Variants in KCNQ1 observed in about 807,000 individuals in gnomAD.
KCNQ1 encodes potassium voltage-gated channel subfamily Q member 1.
A neutral mutation model predicts 72.4 loss-of-function variants in KCNQ1; 49 were observed. The ratio of observed to expected loss-of-function variants is 0.68; its 90% CI spans 0.54 to 0.86. The LOEUF is 0.86. KCNQ1 is among the 40% of genes least tolerant of loss of function. The pLI, the probability that KCNQ1 is intolerant of heterozygous loss-of-function variation, is 0.00. For missense variants in KCNQ1, 790 were observed against 945.1 expected (o/e 0.84, Z 2.15); for synonymous variants, 450 against 412.6 (o/e 1.09, Z -1.10).
At chr11:2,718,114 C>T (rs1319347037) in intron 11 of KCNQ1, among the ~76,000 whole-genome samples, 1 of 152,218 alleles carries the variant, frequency 6.6e-6, no homozygotes, top group Admixed American at 6.5e-5. Context: ...GTGCCCCGTC[C>T]TGGCTTAAAC....
chr11:2,822,332 A>G (rs1847754277), intron 15 of KCNQ1, among the ~76,000 whole-genome samples: 1 of 152,196 alleles, frequency 6.6e-6, no homozygotes, highest in Non-Finnish European at 1.5e-5. Context: ...CACAAGCACC[A>G]GCACAGCGCC....
At chr11:2,733,774 C>CCACACA (rs144399150) in intron 11 of KCNQ1, among the ~76,000 whole-genome samples, 6,458 of 57,074 alleles carry the variant, frequency 0.11, 460 homozygotes, top group East Asian at 0.27. Context: ...TTCAGGCCTT[C>CCACACA]CACACACACA....
intron 11 of KCNQ1, among the ~76,000 whole-genome samples, chr11:2,742,880 G>A (rs1375541237): frequency 2.6e-5 from 4 of 152,098 alleles, no homozygotes; most frequent in East Asian, 1.9e-4. Context: ...CCAGTGCTCC[G>A]AGCCCCCACA....
chr11:2,792,018 C>G (rs987374668), intron 15 of KCNQ1, among the ~76,000 whole-genome samples: 1 of 152,304 alleles, frequency 6.6e-6, no homozygotes, highest in Non-Finnish European at 1.5e-5. Context: ...GGGGCCGAGG[C>G]GCGCTGGGCT....
chr11:2,517,944 C>A (rs1033839122), intron 1 of KCNQ1, among the ~76,000 whole-genome samples: 4 of 152,194 alleles, frequency 2.6e-5, no homozygotes, highest in African/African-American at 4.8e-5. Flanking sequence ...CTGTGGTGTG[C>A]GGTGGGATAG....
rs1850317584 is a variant in KCNQ1 at position 2,677,683 on chromosome 11, C to A, written c.1514+15602C>A. 2.5e-6 allele frequency: 1 copy of A among 398,542 alleles called. No individual in the cohort carries two copies. The highest frequency in any genetic ancestry group is 1.3e-4 in the South Asian group (1 of 7,852). The allele number at this position is 398,542 out of a possible 1,614,324, so 24.7% of individuals were successfully genotyped here. On this transcript the variant is annotated intron_variant, in intron 11 of 15. Coordinates refer to ENST00000155840, the MANE Select transcript of KCNQ1 (RefSeq NM_000218.3). The surrounding 1 kb of genome is among the most constrained non-coding windows in gnomAD (Gnocchi z 4.5). ...ATGAGATAAAATAATATTTTAACTA[C>A]TGTTATTTTTCAAATTAACTTCCCA... is the stretch of plus-strand genomic sequence containing the variant.
chr11:2,649,970 T>G (rs775275926), intron 10 of KCNQ1: 70 of 398,378 alleles, frequency 1.8e-4, no homozygotes, highest in Non-Finnish European at 3.0e-4. Context: ...CACGCAGGCA[T>G]TCTTCATTCT....
At position 2,478,197 on chromosome 11, in the gene KCNQ1, C is replaced by T. The variant is rs138575575; in HGVS notation, c.386+32713C>T. Reference sequence around the variant, plus strand: ...GCAAACCCACATGGAGGGAGACACACACAGTGGCCTGAATACTTTGAAAAT... The same window carrying T: ...GCAAACCCACATGGAGGGAGACACATACAGTGGCCTGAATACTTTGAAAAT... On this transcript the variant is annotated intron_variant, in intron 1 of 15. Coordinates refer to ENST00000155840, the MANE Select transcript of KCNQ1 (RefSeq NM_000218.3). The surrounding 1 kb of genome is among the most constrained non-coding windows in gnomAD (Gnocchi z 4.0). Among the ~76,000 whole-genome samples, 84 of 152,316 alleles carry T rather than the reference C, an allele frequency of 5.5e-4. No individual in the cohort carries two copies. Among genetic ancestry groups the T allele is most frequent in the Non-Finnish European group, 9.8e-4 (67 of 68,038 alleles).
chr11:2,739,457 A>G (rs571465116), intron 11 of KCNQ1, among the ~76,000 whole-genome samples: 42 of 152,162 alleles, frequency 2.8e-4, no homozygotes, highest in Non-Finnish European at 2.5e-4. Context: ...CCCACCCCCA[A>G]AGGTGGATGG....
rs779794829 is a variant in KCNQ1, at chr11:2,848,996, G to A, written c.*993G>A. 6.6e-6 allele frequency: 3 copies of A among 454,066 alleles called. No individual in the cohort carries two copies. The highest frequency in any genetic ancestry group is 2.0e-5 in the African/African-American group (1 of 50,028). The allele number at this position is 454,066 out of a possible 1,614,324, so 28.1% of individuals were successfully genotyped here. A position where few individuals can be genotyped will look rare whatever the true frequency, so the allele number is the denominator to read the frequency against. ...TAATAAACGTGGAGAATCACAGGCT[G>A]GGCTGGGCACTGCTCTCACCTTGGT... On this transcript the variant is annotated 3_prime_UTR_variant, in exon 16 of 16. Coordinates refer to ENST00000155840, the MANE Select transcript of KCNQ1 (RefSeq NM_000218.3).
intron 11 of KCNQ1, chr11:2,693,661 C>T: frequency 2.5e-6 from 1 of 398,652 alleles, no homozygotes; most frequent in East Asian, 3.6e-5. Context: ...GCTTTTAGTT[C>T]CGCAGACAGA....
chr11:2,756,203 A>G (rs1264901655), intron 11 of KCNQ1, among the ~76,000 whole-genome samples: 1 of 152,220 alleles, frequency 6.6e-6, no homozygotes, highest in Non-Finnish European at 1.5e-5. Context: ...TGGTGTGTGG[A>G]CGAGTGAGAA....
chr11:2,789,400 G>A (rs930995523), intron 15 of KCNQ1, among the ~76,000 whole-genome samples: 4 of 152,234 alleles, frequency 2.6e-5, no homozygotes, highest in African/African-American at 7.2e-5. Flanking sequence ...GCTTTGTCAT[G>A]TGACAAGCTC....
intron 15 of KCNQ1, among the ~76,000 whole-genome samples, chr11:2,789,560 G>T (rs1326746992): frequency 2.0e-5 from 3 of 152,196 alleles, no homozygotes; most frequent in Admixed American, 2.0e-4. Flanking sequence ...AACCAAAGTT[G>T]CCAAGGAACG....
intron 14 of KCNQ1, 28 bp downstream of exon 14, chr11:2,777,060 C>T (rs1356266724): frequency 1.2e-6 from 2 of 1,611,930 alleles, no homozygotes; most frequent in African/African-American, 1.3e-5. Flanking sequence ...TTACTCTGGG[C>T]CCAGCAGCCT....
chr11:2,666,177 A>G (rs945825729), intron 11 of KCNQ1: 4 of 398,504 alleles, frequency 1.0e-5, no homozygotes, highest in Non-Finnish European at 1.8e-5. Flanking sequence ...CGAGGTTAAC[A>G]GATACCGCCC....
intron 10 of KCNQ1, chr11:2,633,747 T>G (rs1276058365): frequency 2.5e-6 from 1 of 398,476 alleles, no homozygotes; most frequent in African/African-American, 2.1e-5. Flanking sequence ...GCCCATTGCA[T>G]GCTAATTTGG....
chr11:2,702,525 T>C (rs1367955726), intron 11 of KCNQ1, among the ~76,000 whole-genome samples: 3 of 152,218 alleles, frequency 2.0e-5, no homozygotes, highest in Non-Finnish European at 4.4e-5. Flanking sequence ...ATTGAGCTTA[T>C]TTGGTCTTAC....
At chr11:2,570,579 A>T (rs371505953) in intron 2 of KCNQ1, 49 bp from the exon 3 acceptor site, 5 of 1,606,824 alleles carry the variant, frequency 3.1e-6, no homozygotes, top group African/African-American at 1.3e-5. Context: ...GTCTGAAGCC[A>T]CTCAAGGCCG....
Sources: gnomAD v4.1 joint callset for allele counts (sites outside exome capture counted in the v4.1 genomes callset) on GRCh38, gnomAD v4.1.1 for gene constraint, Gnocchi (gnomAD v3.1) non-coding constraint, MANE v1.5 for transcripts, NCBI Gene and HGNC (gene_info 2026-07-23, HGNC 2026-07-21) for gene names.